PXN: variants seen among roughly 807,000 people sequenced by gnomAD.
The protein encoded by PXN is testicular tissue protein Li 134.
In PXN, 61 loss-of-function variants were observed where a neutral mutation model predicts 103.6. That is an observed-to-expected ratio of 0.59 (90% CI 0.48 to 0.73). The LOEUF is 0.73. Among genes scored for constraint, PXN ranks in the 30% least tolerant of loss-of-function variants. The pLI is 0.00. For synonymous variants in PXN, 562 were observed against 607.8 expected, an observed-to-expected ratio of 0.92 and a Z score of 1.11; for missense variants, 1,274 against 1,460.3, an observed-to-expected ratio of 0.87 and a Z score of 2.08.
chr12:120,237,148 T>TATAC (rs1204785614), intron 1 of PXN, among the ~76,000 whole-genome samples: 14 of 137,634 alleles, frequency 1.0e-4, no homozygotes, highest in South Asian at 2.4e-4. Flanking sequence ...TGTGTGTGTA[T>TATAC]ACACACACAC....
In PXN at chr12:120,210,712, C is replaced by T. The variant is rs2136140921; in HGVS notation, c.*1602G>A. On this transcript the variant is annotated 3_prime_UTR_variant, in exon 15 of 15. Coordinates refer to ENST00000637617, the MANE Select transcript of PXN (RefSeq NM_001385981.1). ...TGACCTTCCCCCAAAAAGGAGGGAC[C>T]CTCTTCGGAGACCCCAGCACACTCG... The T allele has an allele frequency of 6.5e-6, 1 of 152,916 alleles. No homozygotes were observed. Among genetic ancestry groups the T allele is most frequent in the South Asian group, 2.1e-4 (1 of 4,812 alleles). The allele number at this position is 152,916 out of a possible 1,614,324, so 9.5% of individuals were successfully genotyped here.
chr12:120,216,609 T>A lies in PXN; in HGVS notation c.1993-28A>T. On this transcript the variant is annotated intron_variant, in intron 8 of 14. Transcript: ENST00000637617. This position sits in a 1 kb window ranked among gnomAD's most constrained non-coding sequence, Gnocchi z 5.1. ...GGGGAGAAGAAAGGAGGGAGAGCGATGAGGAAGAAATCGCCAGCTCAGCCC... is the reference window on the plus strand; with the variant it reads ...GGGGAGAAGAAAGGAGGGAGAGCGAAGAGGAAGAAATCGCCAGCTCAGCCC... 6.7e-7 allele frequency: 1 copy of A among 1,494,124 alleles called. No individual in the cohort carries two copies. The highest frequency in any genetic ancestry group is 2.6e-5 in the East Asian group (1 of 38,146). The allele number at this position is 1,494,124 out of a possible 1,614,324, so 92.6% of individuals were successfully genotyped here.
rs983373426 is a variant in PXN at position 120,215,346 on chromosome 12, G to T, written c.2404-73C>A. On this transcript the variant is annotated intron_variant, in intron 10 of 14. Coordinates refer to ENST00000637617, the MANE Select transcript of PXN (RefSeq NM_001385981.1). This position sits in a 1 kb window ranked among gnomAD's most constrained non-coding sequence, Gnocchi z 4.9. Reference sequence around the variant, plus strand: ...GGTGTCTGGCAGCACAGGGATGGGGGTACTTTTCTCCCTCCTGGACAGATG... The same window carrying T: ...GGTGTCTGGCAGCACAGGGATGGGGTTACTTTTCTCCCTCCTGGACAGATG... The T allele has an allele frequency of 6.6e-7, 1 of 1,523,244 alleles. No individual in the cohort carries two copies. 94.4% of individuals were successfully genotyped at this position (1,523,244 alleles called of 1,614,324 possible). A position where few individuals can be genotyped will look rare whatever the true frequency, so the allele number is the denominator to read the frequency against.
At position 120,216,373 on chromosome 12, in the gene PXN, T is replaced by A; in HGVS notation, c.2201A>T (p.Asp734Val). ...AAGGGCAGGGCCCTGCACCCCCTCA[T>A]CATGGGGCTCTTCCCCTGCACTCTG... ...GVQSAGEEPH[D>V]EGVQGPALPI... is the part of the protein sequence containing the mutation. Residue 734 changes from aspartate to valine, a missense_variant, in exon 9 of 15, where the codon GAT becomes GTT. By Grantham distance (152) the Asp-to-Val change is radical. Transcript: ENST00000637617. This position sits in a 1 kb window ranked among gnomAD's most constrained non-coding sequence, Gnocchi z 5.1. The A allele has an allele frequency of 7.6e-7, 1 of 1,318,678 alleles. No homozygotes were observed. The highest frequency in any genetic ancestry group is 3.1e-5 in the East Asian group (1 of 32,218). 81.7% of individuals were successfully genotyped at this position (1,318,678 alleles called of 1,614,324 possible). A position where few individuals can be genotyped will look rare whatever the true frequency, so the allele number is the denominator to read the frequency against.
At chr12:120,233,656 G>A (rs922004880) in intron 1 of PXN, among the ~76,000 whole-genome samples, 1 of 152,102 alleles carries the variant, frequency 6.6e-6, no homozygotes, top group Non-Finnish European at 1.5e-5. Flanking sequence ...AGCAAGGGGT[G>A]GAGTTATAAT....
rs1883118832 is a variant in PXN at position 120,216,636 on chromosome 12, CAG to C, written c.1993-57_1993-56del. On this transcript the variant is annotated intron_variant, in intron 8 of 14. Coordinates refer to ENST00000637617, the MANE Select transcript of PXN (RefSeq NM_001385981.1). The surrounding 1 kb of genome is among the most constrained non-coding windows in gnomAD (Gnocchi z 5.1). ...AGGAAGAAATCGCCAGCTCAGCCCA[CAG>C]GGGTGGCGGGACCTCCCCAGGCTCC... 1 of 1,544,414 alleles carries C rather than the reference CAG, an allele frequency of 6.5e-7. No individual in the cohort carries two copies. The highest frequency in any genetic ancestry group is 8.6e-7 in the Non-Finnish European group (1 of 1,162,562).
At position 120,220,002 on chromosome 12, in the gene PXN, GGGA is replaced by G. The variant is rs745555184; in HGVS notation, c.918_920del (p.Pro307del). The G allele has an allele frequency of 5.1e-6, 8 of 1,577,068 alleles. No individual in the cohort carries two copies. The African/African-American group carries it at 6.7e-5, about 13-fold the overall frequency. ...TGGGTGGCAGAAATACAGATGGCATGGGAGGAGGAGAAGGAGGAAGGGAGCAGT... is the reference window on the plus strand; with the variant it reads ...TGGGTGGCAGAAATACAGATGGCATGGGAGGAGAAGGAGGAAGGGAGCAGT... On this transcript the variant is annotated inframe_deletion, in exon 7 of 15. Transcript: ENST00000637617. The surrounding 1 kb of genome is among the most constrained non-coding windows in gnomAD (Gnocchi z 6.1).
rs764367031 is a variant in PXN, at chr12:120,224,244, G to A, written c.147C>T (p.Val49=). The A allele has an allele frequency of 3.2e-6, 5 of 1,570,308 alleles. No homozygotes were observed. In the Admixed American group the frequency reaches 5.0e-5, roughly 16 times the overall value. ...GGGCCTCGCTGGACGGGGGTGGGGG[G>A]ACGGGGGGTGGCACGGCAATCTCCT... ...TYQEIAVPPP[V]PPPPSSEALN... The change falls in exon 2 of 15, where the codon GTC becomes GTT. Residue 49 remains valine, a synonymous_variant. Coordinates refer to ENST00000637617, the MANE Select transcript of PXN (RefSeq NM_001385981.1). The surrounding 1 kb of genome is among the most constrained non-coding windows in gnomAD (Gnocchi z 5.0).
At chr12:120,259,893 C>G (rs1404494126) in intron 1 of PXN, among the ~76,000 whole-genome samples, 3 of 152,230 alleles carry the variant, frequency 2.0e-5, no homozygotes, top group Admixed American at 1.3e-4. Flanking sequence ...TCCTCTCCCC[C>G]TCCCATAGGA....
rs778329311 is a variant in PXN, at chr12:120,215,181, C to T, written c.2496G>A (p.Gln832=). 5.0e-6 allele frequency: 8 copies of T among 1,588,524 alleles called. No individual in the cohort carries two copies. In the Admixed American group the frequency reaches 1.2e-4, roughly 24 times the overall value. Residue 832 remains glutamine, a synonymous_variant, in exon 11 of 15, where the codon CAG becomes CAA. Transcript: ENST00000637617. This position sits in a 1 kb window ranked among gnomAD's most constrained non-coding sequence, Gnocchi z 4.9. The part of the protein sequence containing the change: ...SQLDSMLGSL[Q]SDLNKLGVAT... ...CGACCCCCAGCTTGTTCAGGTCAGA[C>T]TGCAGGCTCCCCAGCATGCTGTCCA...
chr12:120,211,623 G>A lies in PXN; in HGVS notation c.*691C>T. On this transcript the variant is annotated 3_prime_UTR_variant, in exon 15 of 15. Coordinates refer to ENST00000637617, the MANE Select transcript of PXN (RefSeq NM_001385981.1). ...AGAAATCTATCAAAGTCGGTACAGT[G>A]TCCAGGCACGCCGTCCCGGAGACGG... The A allele has an allele frequency of 3.5e-6, 1 of 289,458 alleles. No individual in the cohort carries two copies. Among genetic ancestry groups the A allele is most frequent in the Non-Finnish European group, 7.0e-6 (1 of 143,182 alleles). The allele number at this position is 289,458 out of a possible 1,614,324, so 17.9% of individuals were successfully genotyped here.
intron 1 of PXN, among the ~76,000 whole-genome samples, chr12:120,255,762 C>T (rs1229489664): frequency 2.0e-5 from 3 of 151,750 alleles, no homozygotes; most frequent in Admixed American, 1.3e-4. Flanking sequence ...TTAGTAAGTG[C>T]AGGTCAGGCA....
At chr12:120,261,232 CT>C (rs1893836355) in intron 1 of PXN, among the ~76,000 whole-genome samples, 2 of 152,260 alleles carry the variant, frequency 1.3e-5, no homozygotes, top group African/African-American at 4.8e-5. Context: ...AAAGTACCCC[CT>C]AGGCCAGAGT....
intron 1 of PXN, among the ~76,000 whole-genome samples, chr12:120,259,179 G>A (rs1267911540): frequency 6.6e-6 from 1 of 152,088 alleles, no homozygotes; most frequent in Non-Finnish European, 1.5e-5. Context: ...ATCACCTGAG[G>A]TCAGGAGTTG....
rs1880536028 is a variant in PXN, at chr12:120,212,575, G to A, written c.2985C>T (p.Cys995=). 6.2e-7 allele frequency: 1 copy of A among 1,611,282 alleles called. No individual in the cohort carries two copies. Among genetic ancestry groups the A allele is most frequent in the South Asian group, 1.1e-5 (1 of 91,040 alleles). Residue 995 remains cysteine (C), a synonymous_variant, in exon 15 of 15, where the codon TGC becomes TGT. Coordinates refer to ENST00000637617, the MANE Select transcript of PXN (RefSeq NM_001385981.1). This position sits in a 1 kb window ranked among gnomAD's most constrained non-coding sequence, Gnocchi z 7.2. The stretch of plus-strand genomic sequence containing the variant: ...AGCTGCCGTTCACGAATGGCGTGAA[G>A]CATTCCTGCCAGGCGGAGAGAGGGG... The part of the protein sequence containing the change: ...WHPECFVCRE[C]FTPFVNGSFF...
rs779681832 is a variant in PXN, at chr12:120,254,185, A to G, written c.13+11432T>C. Among the ~76,000 whole-genome samples the G allele has an allele frequency of 1.8e-4, 27 of 152,176 alleles. No individual in the cohort carries two copies. The Middle Eastern group carries it at 0.014, about 77-fold the overall frequency. ...TGAGCCACCACGTCCAGTCCAATAT[A>G]TATATTTATATATCTATAAAGAGGT... On this transcript the variant is annotated intron_variant, in intron 1 of 14. Coordinates refer to ENST00000637617, the MANE Select transcript of PXN (RefSeq NM_001385981.1).
Position 120,212,325 on chromosome 12 carries a change from G to A in PXN, c.3235C>T (p.Leu1079Phe). The change falls in exon 15 of 15, where the codon CTC becomes TTC. Residue 1079 changes from leucine (L) to phenylalanine (F), a missense_variant. By Grantham distance (22) the Leu-to-Phe change is conservative. This residue lies in a region of PXN where 96 missense variants were observed against 151.3 expected (regional missense o/e 0.63). Transcript: ENST00000637617. This position sits in a 1 kb window ranked among gnomAD's most constrained non-coding sequence, Gnocchi z 7.2. Reference protein sequence around the residue: ...KPYCQNCFLKLFC With the variant: ...KPYCQNCFLKFFC ...CAGGGGCAGGGCACCTAGCAGAAGA[G>A]CTTGAGGAAGCAGTTCTGACAGTAA... The A allele has an allele frequency of 6.2e-7, 1 of 1,613,312 alleles. No homozygotes were observed. The highest frequency in any genetic ancestry group is 8.5e-7 in the Non-Finnish European group (1 of 1,179,578).
chr12:120,219,800 C>T lies in PXN; in HGVS notation c.1123G>A (p.Val375Met), dbSNP rs1323885371. 2.5e-6 allele frequency: 4 copies of T among 1,598,380 alleles called. No individual in the cohort carries two copies. Among genetic ancestry groups the T allele is most frequent in the Non-Finnish European group, 3.4e-6 (4 of 1,179,766 alleles). Residue 375 changes from valine (V) to methionine (M), a missense_variant, in exon 7 of 15, where the codon GTG (valine) becomes ATG (methionine). Physicochemically the swap from Val to Met is conservative, Grantham distance 21. Around this residue, in one of 2 missense-constraint regions of PXN, gnomAD observed 1,178 missense variants for 1,309.0 expected, o/e 0.90. Coordinates refer to ENST00000637617, the MANE Select transcript of PXN (RefSeq NM_001385981.1). This position sits in a 1 kb window ranked among gnomAD's most constrained non-coding sequence, Gnocchi z 6.5. ...SPSVEGSLWA[V>M]GTESQGRDWR... is the part of the protein sequence containing the mutation. Reference sequence around the variant, plus strand: ...TCTCGACCCTGACTCTCTGTGCCCACTGCCCACAGAGAACCCTCCACAGAG... The same window carrying T: ...TCTCGACCCTGACTCTCTGTGCCCATTGCCCACAGAGAACCCTCCACAGAG...
intron 1 of PXN, chr12:120,226,088 T>C: frequency 8.9e-7 from 1 of 1,121,674 alleles, no homozygotes; most frequent in Non-Finnish European, 1.1e-6. Context: ...TTGGTAGGTA[T>C]CTAGGTAACG....
Sources: allele counts gnomAD v4.1 joint callset (sites outside exome capture counted in the v4.1 genomes callset), GRCh38; gene constraint gnomAD v4.1.1; regional missense constraint gnomAD v4.1.1; non-coding constraint Gnocchi (gnomAD v3.1); transcripts MANE v1.5; gene names NCBI Gene and HGNC (gene_info 2026-07-23, HGNC 2026-07-21).